The following CCNE1 variants were observed in gnomAD, a reference collection of about 807,000 sequenced individuals.
The protein encoded by CCNE1 is G1/S-specific cyclin-E1.
CCNE1 carries 8 observed loss-of-function variants against 54.1 expected under a neutral mutation model. The observed-to-expected ratio is 0.15, with a 90% CI of 0.09 to 0.27. The LOEUF (loss-of-function observed/expected upper bound fraction) is 0.27, where lower values mean the gene tolerates loss of function less well. CCNE1 is among the 10% of genes least tolerant of loss of function. The probability of loss-of-function intolerance (pLI) is 1.00; values close to 1 mark genes in which losing one functional copy is unlikely to be tolerated. For missense variants in CCNE1, 430 were observed against 514.9 expected, an observed-to-expected ratio of 0.84 and a Z score of 1.60; for synonymous variants, 179 against 185.2, an observed-to-expected ratio of 0.97 and a Z score of 0.27.
intron 7 of CCNE1, 66 bp downstream of exon 7, chr19:29,820,914 G>T: frequency 7.7e-7 from 1 of 1,306,682 alleles, no homozygotes; most frequent in Non-Finnish European, 1.1e-6. Context: ...GAGATTGGGG[G>T]AAGAGGTTGG....
chr19:29,821,893 C>G, intron 8 of CCNE1, 76 bp downstream of exon 8: 1 of 1,505,748 alleles, frequency 6.6e-7, no homozygotes. Context: ...GTGAGTGCCT[C>G]TGGGAGGTGT....
At chr19:29,821,487 G>C (rs1211274422) in intron 7 of CCNE1, among the ~76,000 whole-genome samples, 1 of 151,300 alleles carries the variant, frequency 6.6e-6, no homozygotes, top group Non-Finnish European at 1.5e-5. Flanking sequence ...GATATTTCAA[G>C]AGTACCCACA....
In CCNE1 at chr19:29,817,600, T is replaced by C. The variant is rs1441510550; in HGVS notation, c.462+59T>C. 8 of 1,589,214 alleles carry C rather than the reference T, an allele frequency of 5.0e-6. No individual in the cohort carries two copies. In the East Asian group the frequency reaches 1.8e-4, roughly 35 times the overall value. On this transcript the variant is annotated intron_variant, in intron 6 of 11. Transcript: ENST00000262643. ...GCACTGAGCATTTCCAGCATTTTTG[T>C]GTATTAGGACCTCTGTGTGGTTTAT...
Position 29,822,094 on chromosome 19 carries a change from G to T in CCNE1, c.804G>T (p.Pro268=). 6.2e-7 allele frequency: 1 copy of T among 1,613,946 alleles called. No homozygotes were observed. Among genetic ancestry groups the T allele is most frequent in the Non-Finnish European group, 8.5e-7 (1 of 1,179,986 alleles). The change falls in exon 9 of 12, where the codon CCG becomes CCT. Residue 268 remains proline (P), a synonymous_variant. Transcript: ENST00000262643. ...YLNDLHEVLL[P]QYPQQIFIQI... ...ATGACTTACATGAAGTGCTACTGCC[G>T]CAGTATCCCCAGCAAATCTTTATAC...
rs1973910936 is a variant in CCNE1 at position 29,812,419 on chromosome 19, A to G, written c.-24-113A>G. On this transcript the variant is annotated intron_variant, in intron 1 of 11. Coordinates refer to ENST00000262643, the MANE Select transcript of CCNE1 (RefSeq NM_001238.4). ...GTGCCCGGGTCGCGGGTGACAGGCC[A>G]CCCCGCCATCGGCCATCTTCCTGGC... 7.5e-6 allele frequency: 5 copies of G among 668,928 alleles called. No individual in the cohort carries two copies. In the South Asian group the frequency reaches 3.6e-4, roughly 49 times the overall value. The allele number at this position is 668,928 out of a possible 1,614,324, so 41.4% of individuals were successfully genotyped here. A position where few individuals can be genotyped will look rare whatever the true frequency, so the allele number is the denominator to read the frequency against.
intron 6 of CCNE1, among the ~76,000 whole-genome samples, chr19:29,817,857 CT>C (rs34598025): frequency 2.0e-3 from 192 of 95,904 alleles, no homozygotes; most frequent in East Asian, 0.016. Flanking sequence ...CATTAAATTG[CT>C]TTTTTTTTTT....
chr19:29,816,357 A>AT (rs1376341203), intron 4 of CCNE1, among the ~76,000 whole-genome samples: 1 of 152,230 alleles, frequency 6.6e-6, no homozygotes, highest in Non-Finnish European at 1.5e-5. Context: ...AATTGAATAC[A>AT]TATCTGAAAC....
At chr19:29,821,855 C>A in intron 8 of CCNE1, 38 bp downstream of exon 8, 1 of 1,525,330 alleles carries the variant, frequency 6.6e-7, no homozygotes, top group Non-Finnish European at 9.1e-7. Flanking sequence ...TTTTTAAATG[C>A]GTACGGCAGA....
chr19:29,821,662 A>T (rs1006732131), intron 7 of CCNE1, 60 bp from the exon 8 acceptor site: 1 of 972,544 alleles, frequency 1.0e-6, no homozygotes, highest in Non-Finnish European at 1.6e-6. Context: ...TGGATGCATT[A>T]TAAATTGAGA....
rs775011048 is a variant in CCNE1, at chr19:29,817,251, C to T, written c.295C>T (p.Pro99Ser). 7.4e-6 allele frequency: 12 copies of T among 1,614,156 alleles called. No individual in the cohort carries two copies. The highest frequency in any genetic ancestry group is 1.0e-5 in the Non-Finnish European group (12 of 1,180,044). ...NSTCKPRIIA[P>S]SRGSPLPVLS... ...AACGTGCAAGCCTCGGATTATTGCA[C>T]CATCCAGAGGCTCCCCGCTGCCTGT... is the stretch of plus-strand genomic sequence containing the variant. The change falls in exon 5 of 12, where the codon CCA becomes TCA. Residue 99 changes from proline (P) to serine (S), a missense_variant. Physicochemically the swap from Pro to Ser is moderately conservative, Grantham distance 74. This residue lies in a region of CCNE1 where 303 missense variants were observed against 401.1 expected (regional missense o/e 0.76). Coordinates refer to ENST00000262643, the MANE Select transcript of CCNE1 (RefSeq NM_001238.4).
At chr19:29,817,062 A>T in intron 4 of CCNE1, 75 bp from the exon 5 acceptor site, 1 of 1,458,078 alleles carries the variant, frequency 6.9e-7, no homozygotes, top group Non-Finnish European at 9.4e-7. Flanking sequence ...TTGCAGGTGA[A>T]TTTGTAATGT....
chr19:29,815,097 G>A (rs1973981835), intron 4 of CCNE1, among the ~76,000 whole-genome samples: 1 of 152,136 alleles, frequency 6.6e-6, no homozygotes, highest in African/African-American at 2.4e-5. Context: ...CTCATCCACT[G>A]GTCCCTAAAA....
chr19:29,813,156 A>G (rs1304271715), intron 4 of CCNE1, 119 bp downstream of exon 4: 1 of 887,052 alleles, frequency 1.1e-6, no homozygotes, highest in East Asian at 2.5e-5. Flanking sequence ...TCTCTAATGC[A>G]GCCACAGCCC....
At chr19:29,822,372 A>C in intron 10 of CCNE1, 21 bp downstream of exon 10, 1 of 1,613,754 alleles carries the variant, frequency 6.2e-7, no homozygotes, top group Non-Finnish European at 8.5e-7. Context: ...TTTCCAGTGC[A>C]TGCACAAACA....
intron 4 of CCNE1, among the ~76,000 whole-genome samples, chr19:29,815,869 A>T (rs1974003606): frequency 6.6e-6 from 1 of 151,882 alleles, no homozygotes; most frequent in Non-Finnish European, 1.5e-5. Context: ...AAAAAAAAAA[A>T]AAATGCCAGG....
chr19:29,822,805 A>C (rs922493974), intron 11 of CCNE1, among the ~76,000 whole-genome samples: 8 of 152,036 alleles, frequency 5.3e-5, no homozygotes, highest in African/African-American at 1.7e-4. Flanking sequence ...TTAGCCGGCT[A>C]TGGTGGTGGG....
At position 29,822,322 on chromosome 19, in the gene CCNE1, C is replaced by T. The variant is rs779222474; in HGVS notation, c.923C>T (p.Ser308Leu). Residue 308 changes from serine to leucine, a missense_variant, in exon 10 of 12, where the codon TCG becomes TTG. Coordinates refer to ENST00000262643, the MANE Select transcript of CCNE1 (RefSeq NM_001238.4). ...GCTGCTTCGGCCTTGTATCATTTCT[C>T]GTCATCTGAATTGATGCAAAAGGTT... ...ILAASALYHF[S>L]SSELMQKVSG... 1.2e-5 allele frequency: 19 copies of T among 1,613,896 alleles called. No individual in the cohort carries two copies. The highest frequency in any genetic ancestry group is 4.4e-5 in the South Asian group (4 of 91,080).
At position 29,812,739 on chromosome 19, in the gene CCNE1, C is replaced by T. The variant is rs771972554; in HGVS notation, c.74C>T (p.Ser25Leu). Reference sequence around the variant, plus strand: ...AAGGAGGACGGCGGCGCGGAGTTCTCGGCTCGCTCCAGGAAGAGGAAGGCA... The same window carrying T: ...AAGGAGGACGGCGGCGCGGAGTTCTTGGCTCGCTCCAGGAAGAGGAAGGCA... ...TMKEDGGAEFSARSRKRKANV... is the reference protein window; with the variant it reads ...TMKEDGGAEFLARSRKRKANV... Residue 25 changes from serine to leucine, a missense_variant, in exon 3 of 12, where the codon TCG becomes TTG. By Grantham distance (145) the Ser-to-Leu change is moderately radical (BLOSUM62 -2). This residue lies in a region of CCNE1 where 127 missense variants were observed against 113.8 expected (regional missense o/e 1.12). Transcript: ENST00000262643. 2.1e-5 allele frequency: 34 copies of T among 1,594,624 alleles called. No homozygotes were observed. Among genetic ancestry groups the T allele is most frequent in the Non-Finnish European group, 2.5e-5 (29 of 1,172,574 alleles).
At chr19:29,813,078 C>T (rs776238524) in intron 4 of CCNE1, 41 bp downstream of exon 4, 13 of 1,563,958 alleles carry the variant, frequency 8.3e-6, no homozygotes, top group Non-Finnish European at 1.1e-5. Context: ...AGGTCCTTCT[C>T]CCCCTGGGTC....
Sources: gnomAD v4.1 joint callset for allele counts (sites outside exome capture counted in the v4.1 genomes callset) on GRCh38, gnomAD v4.1.1 for gene constraint, gnomAD v4.1.1 regional missense constraint, MANE v1.5 for transcripts, NCBI Gene and HGNC (gene_info 2026-07-23, HGNC 2026-07-21) for gene names.